Variants in BDKRB2 observed in about 807,000 individuals in gnomAD.
The protein encoded by BDKRB2 is bradykinin receptor B2.
In BDKRB2, 6 loss-of-function variants were observed where a neutral mutation model predicts 4.0. That is an observed-to-expected ratio of 1.49 (90% CI 0.81 to 2.93). BDKRB2 has a LOEUF of 2.93. Among genes scored for constraint, BDKRB2 ranks in the 30% most tolerant of loss-of-function variants. The pLI, the probability that BDKRB2 is intolerant of heterozygous loss-of-function variation, is 0.00. For synonymous variants in BDKRB2, 225 were observed against 215.3 expected (o/e 1.05, Z -0.40); for missense variants, 478 against 520.1 (o/e 0.92, Z 0.79).
chr14:96,224,964 C>A (rs1371133502), intron 1 of BDKRB2, among the ~76,000 whole-genome samples: 6 of 152,178 alleles, frequency 3.9e-5, no homozygotes. Context: ...GACCCAGGAT[C>A]TTCAGAAGCC....
chr14:96,226,460 C>T (rs182095300), intron 1 of BDKRB2, among the ~76,000 whole-genome samples: 5 of 152,194 alleles, frequency 3.3e-5, no homozygotes, highest in African/African-American at 1.2e-4. Context: ...TCGAGACCAG[C>T]CTGACCAACA....
Position 96,238,496 on chromosome 14 carries a change from T to C in BDKRB2, c.74+1315T>C, listed in dbSNP as rs1316796919. On this transcript the variant is annotated intron_variant, in intron 2 of 2. Coordinates refer to ENST00000554311, the MANE Select transcript of BDKRB2 (RefSeq NM_001379692.1). ...ACACCACAGGGATCTTTTTAGAGCA[T>C]ACTTCTTATACCATCACTGTAGTTC... The C allele has an allele frequency of 3.0e-6, 3 of 985,480 alleles. No homozygotes were observed. In the African/African-American group the frequency reaches 5.2e-5, roughly 17 times the overall value. 61.0% of individuals were successfully genotyped at this position (985,480 alleles called of 1,614,324 possible). A position where few individuals can be genotyped will look rare whatever the true frequency, so the allele number is the denominator to read the frequency against.
rs1566695276 is a variant in BDKRB2, at chr14:96,236,918, G to T, written c.-39-151G>T. Among the ~76,000 whole-genome samples, 1 of 152,228 alleles carries T rather than the reference G, an allele frequency of 6.6e-6. No homozygotes were observed. The highest frequency in any genetic ancestry group is 2.4e-5 in the African/African-American group (1 of 41,466). ...AGTAGACTGTCAGCTCCTAGCCATT[G>T]TATCCCTAGCACCGCTGTGTGGGAG... On this transcript the variant is annotated intron_variant, in intron 1 of 2. Transcript: ENST00000554311.
intron 1 of BDKRB2, among the ~76,000 whole-genome samples, chr14:96,209,018 G>A (rs1458002679): frequency 6.6e-6 from 1 of 152,232 alleles, no homozygotes; most frequent in African/African-American, 2.4e-5. Flanking sequence ...TGGTCATGAG[G>A]TCGCTTCTCC....
At position 96,210,013 on chromosome 14, in the gene BDKRB2, A is replaced by C. The variant is rs532158026; in HGVS notation, c.-40+5054A>C. ...TCTATCTCAAAATAATAATAATAAT[A>C]ATAATCATCATCATCATCATCATAG... On this transcript the variant is annotated intron_variant, in intron 1 of 2. Coordinates refer to ENST00000554311, the MANE Select transcript of BDKRB2 (RefSeq NM_001379692.1). Among the ~76,000 whole-genome samples, 157 of 140,406 alleles carry C rather than the reference A, an allele frequency of 1.1e-3. 1 individual carries two copies. The highest frequency in any genetic ancestry group is 2.6e-3 in the African/African-American group (87 of 33,992). 92.1% of individuals were successfully genotyped at this position (140,406 alleles called of 152,430 possible).
rs139497103 is a variant in BDKRB2 at position 96,215,999 on chromosome 14, G to A, written c.-40+11040G>A. On this transcript the variant is annotated intron_variant, in intron 1 of 2. Transcript: ENST00000554311. ...CGAGTGGGAGGTGAGCCACTGTTGC[G>A]TGCCCTCTGCCAGACACAGGCCTGC... is the stretch of plus-strand genomic sequence containing the variant. Among the ~76,000 whole-genome samples, 10 of 152,278 alleles carry A rather than the reference G, an allele frequency of 6.6e-5. No individual in the cohort carries two copies. The South Asian group carries it at 8.3e-4, about 13-fold the overall frequency.
intron 1 of BDKRB2, among the ~76,000 whole-genome samples, chr14:96,225,947 C>T (rs769001733): frequency 1.3e-5 from 2 of 152,150 alleles, no homozygotes; most frequent in African/African-American, 2.4e-5. Context: ...CCCAGGACAC[C>T]GGAGACCACC....
chr14:96,206,655 A>G (rs1410530911), intron 1 of BDKRB2, among the ~76,000 whole-genome samples: 1 of 152,116 alleles, frequency 6.6e-6, no homozygotes, highest in Non-Finnish European at 1.5e-5. Flanking sequence ...TTGCTAACAC[A>G]GTGACTGGCT....
At position 96,241,275 on chromosome 14, in the gene BDKRB2, T is replaced by C. The variant is rs745556740; in HGVS notation, c.947T>C (p.Ile316Thr). ...DERIIDVITQIASFMAYSNSC... is the reference protein window; with the variant it reads ...DERIIDVITQTASFMAYSNSC... The stretch of plus-strand genomic sequence containing the variant: ...CGCATCATCGATGTAATCACACAGA[T>C]CGCCTCCTTCATGGCCTACAGCAAC... The change falls in exon 3 of 3, where the codon ATC (isoleucine) becomes ACC (threonine). Residue 316 changes from isoleucine (I) to threonine (T), a missense_variant. Transcript: ENST00000554311. 1.5e-5 allele frequency: 24 copies of C among 1,613,908 alleles called. No individual in the cohort carries two copies. In the South Asian group the frequency reaches 2.4e-4, roughly 16 times the overall value.
At chr14:96,240,357 C>G (rs776946583) in intron 2 of BDKRB2, 46 bp from the exon 3 acceptor site, 1 of 1,410,988 alleles carries the variant, frequency 7.1e-7, no homozygotes, top group Non-Finnish European at 9.3e-7. Context: ...TTTGTCCTTC[C>G]CTTGTGACCC....
chr14:96,238,754 G>C (rs1314232430), intron 2 of BDKRB2: 3 of 985,688 alleles, frequency 3.0e-6, no homozygotes. Context: ...TCAAGACCCA[G>C]CTCTAGAGTC....
chr14:96,222,211 C>A (rs190541459), intron 1 of BDKRB2, among the ~76,000 whole-genome samples: 1 of 152,256 alleles, frequency 6.6e-6, no homozygotes, highest in Admixed American at 6.5e-5. Flanking sequence ...CACAGACCCA[C>A]ACGTGGGGCA....
intron 1 of BDKRB2, among the ~76,000 whole-genome samples, chr14:96,230,347 C>T (rs1314229928): frequency 6.6e-6 from 1 of 152,186 alleles, no homozygotes; most frequent in Admixed American, 6.5e-5. Context: ...GGATGGAACT[C>T]TGGGAGATTT....
At chr14:96,227,946 C>T (rs866076905) in intron 1 of BDKRB2, among the ~76,000 whole-genome samples, 64 of 152,330 alleles carry the variant, frequency 4.2e-4, no homozygotes, top group African/African-American at 1.3e-3. Flanking sequence ...CAGCAGCCCC[C>T]GACTCCTGTG....
In BDKRB2 at chr14:96,241,276, C is replaced by A. The variant is rs200594489; in HGVS notation, c.948C>A (p.Ile316=). The change falls in exon 3 of 3, where the codon ATC becomes ATA. Residue 316 remains isoleucine, a synonymous_variant. Transcript: ENST00000554311. ...GCATCATCGATGTAATCACACAGAT[C>A]GCCTCCTTCATGGCCTACAGCAACA... ...DERIIDVITQ[I]ASFMAYSNSC... is the part of the protein sequence containing the mutation. 6.2e-7 allele frequency: 1 copy of A among 1,613,860 alleles called. No homozygotes were observed. The highest frequency in any genetic ancestry group is 1.3e-5 in the African/African-American group (1 of 74,922).
intron 1 of BDKRB2, among the ~76,000 whole-genome samples, chr14:96,211,317 C>A (rs1162964528): frequency 3.3e-5 from 5 of 152,210 alleles, no homozygotes; most frequent in African/African-American, 1.2e-4. Flanking sequence ...GGAGATTGCA[C>A]CTTGTGCATG....
chr14:96,216,339 G>A (rs561887266), intron 1 of BDKRB2, among the ~76,000 whole-genome samples: 9 of 152,104 alleles, frequency 5.9e-5, no homozygotes, highest in South Asian at 2.1e-4. Context: ...CCACCTCCCC[G>A]CAAGAAGTAG....
At chr14:96,236,945 A>T in intron 1 of BDKRB2, 124 bp from the exon 2 acceptor site, 1 of 665,178 alleles carries the variant, frequency 1.5e-6, no homozygotes, top group Non-Finnish European at 2.7e-6. Context: ...GTGTGGGAGC[A>T]CTTCACAAAC....
At chr14:96,212,871 C>T (rs569699297) in intron 1 of BDKRB2, among the ~76,000 whole-genome samples, 2 of 151,788 alleles carry the variant, frequency 1.3e-5, no homozygotes, top group African/African-American at 2.4e-5. Context: ...GTTAACGCCC[C>T]CTCCCCCATT....
Sources: gnomAD v4.1 joint callset for allele counts (sites outside exome capture counted in the v4.1 genomes callset) on GRCh38, gnomAD v4.1.1 for gene constraint, MANE v1.5 for transcripts, NCBI Gene and HGNC (gene_info 2026-07-23, HGNC 2026-07-21) for gene names.